TUBGCP2: variants seen among roughly 807,000 people sequenced by gnomAD.
TUBGCP2 encodes tubulin gamma complex component 2.
A neutral mutation model predicts 92.2 loss-of-function variants in TUBGCP2; 55 were observed. The observed-to-expected ratio is 0.60, with a 90% confidence interval of 0.48 to 0.75. The LOEUF (loss-of-function observed/expected upper bound fraction) is 0.75, where lower values mean the gene tolerates loss of function less well. Ranked by LOEUF, TUBGCP2 falls within the 30% of genes least tolerant of loss-of-function variation. TUBGCP2 has a pLI of 0.00. For missense variants in TUBGCP2, 1,093 were observed against 1,188.9 expected (o/e 0.92, Z 1.19); for synonymous variants, 533 against 505.2 (o/e 1.06, Z -0.74).
At chr10:133,302,739 G>A in intron 2 of TUBGCP2, 53 bp downstream of exon 2, 1 of 1,606,022 alleles carries the variant, frequency 6.2e-7, no homozygotes, top group Non-Finnish European at 8.5e-7. Context: ...GCACCACCCT[G>A]ACCCAGGAAC....
chr10:133,282,981 G>A, intron 15 of TUBGCP2, 97 bp downstream of exon 15: 1 of 1,508,422 alleles, frequency 6.6e-7, no homozygotes, highest in East Asian at 2.4e-5. Context: ...CGAACACAAG[G>A]GCAGGAAAAC....
upstream of TUBGCP2, chr10:133,310,153 C>G (rs200313469): frequency 6.2e-7 from 1 of 1,613,722 alleles, no homozygotes; most frequent in Non-Finnish European, 8.5e-7. Flanking sequence ...GTGACACGGT[C>G]TCCATTTCAG....
intron 8 of TUBGCP2, 44 bp from the exon 9 acceptor site, chr10:133,290,013 G>A (rs915512508): frequency 1.3e-5 from 20 of 1,598,040 alleles, no homozygotes; most frequent in East Asian, 6.8e-5. Flanking sequence ...AAGCAAGGGC[G>A]CCTGAGGCAG....
chr10:133,310,752 T>C (rs904994547), upstream of TUBGCP2, among the ~76,000 whole-genome samples: 1 of 152,216 alleles, frequency 6.6e-6, no homozygotes, highest in Non-Finnish European at 1.5e-5. Flanking sequence ...ACAAAGCTGT[T>C]GATTAACATG....
At position 133,302,806 on chromosome 10, in the gene TUBGCP2, CAG is replaced by C; in HGVS notation, c.134_135del (p.Ser45CysfsTer7). 3.7e-6 allele frequency: 6 copies of C among 1,612,638 alleles called. No homozygotes were observed. The highest frequency in any genetic ancestry group is 1.3e-5 in the African/African-American group (1 of 75,006). Reference protein sequence around the residue: ...NRTPYVTTTVSAHSAKVKIAE... With the variant: ...NRTPYVTTTVXAHSAKVKIAE... ...GCAGTGCTCACCTTGGCACTGTGAG[CAG>C]AGACAGTGGTAGTGACGTACGGGGT... On this transcript the variant is annotated frameshift_variant, in exon 2 of 18. Transcript: ENST00000252936. LOFTEE classifies it high-confidence loss of function.
At chr10:133,304,031 G>A (rs117177212) in intron 1 of TUBGCP2, among the ~76,000 whole-genome samples, 1,846 of 152,280 alleles carry the variant, frequency 0.012, 37 homozygotes, top group Admixed American at 0.036. Context: ...TCCGATACAA[G>A]GCCATTAAGA....
At chr10:133,294,781 A>G (rs1012979496) in intron 5 of TUBGCP2, among the ~76,000 whole-genome samples, 1 of 151,934 alleles carries the variant, frequency 6.6e-6, no homozygotes, top group Non-Finnish European at 1.5e-5. Context: ...ATTCCTGGCT[A>G]ATTTTTAAAT....
rs928945275 is a variant in TUBGCP2, at chr10:133,293,043, G to A, written c.1020C>T (p.Ser340=). ...PAMRTMDILA[S]LATSVDKGEC... The stretch of plus-strand genomic sequence containing the variant: ...GCCCCCCGGGCGGGCACGCACCGAG[G>A]GAGGCCAGGATGTCCATGGTGCGCA... Residue 340 remains serine, a synonymous_variant, in exon 7 of 18, where the codon TCC becomes TCT. Transcript: ENST00000252936. The A allele has an allele frequency of 6.2e-7, 1 of 1,612,852 alleles. No homozygotes were observed. Among genetic ancestry groups the A allele is most frequent in the African/African-American group, 1.3e-5 (1 of 75,044 alleles).
intron 8 of TUBGCP2, chr10:133,290,262 AGGTG>A: frequency 3.1e-6 from 1 of 327,674 alleles, no homozygotes; most frequent in Non-Finnish European, 5.9e-6. Context: ...TGGGAGGCTG[AGGTG>A]GGCAGATCAC....
At chr10:133,311,643 C>A (rs759358954), upstream of TUBGCP2, 15 of 1,294,400 alleles carry the variant, frequency 1.2e-5, no homozygotes, top group Non-Finnish European at 1.6e-5. Context: ...TTCTTTCTTG[C>A]ATGTTCATTT....
chr10:133,309,527 T>C, upstream of TUBGCP2: 1 of 1,538,854 alleles, frequency 6.5e-7, no homozygotes, highest in South Asian at 1.2e-5. Flanking sequence ...CGGTGCCTGG[T>C]CCCTGGGGCT....
At position 133,302,986 on chromosome 10, in the gene TUBGCP2, G is replaced by A. The variant is rs929938575; in HGVS notation, c.-39-6C>T. ...GAACATCACAATATGTTCTCCTATA[G>A]GTAAGAAGACAGCTATTCATAAAAT... On this transcript the variant is annotated splice_region_variant and splice_polypyrimidine_tract_variant and intron_variant, in intron 1 of 17. Coordinates refer to ENST00000252936, the MANE Select transcript of TUBGCP2 (RefSeq NM_006659.4). The A allele has an allele frequency of 6.2e-7, 1 of 1,609,256 alleles. No homozygotes were observed.
rs1015611322 is a variant in TUBGCP2, at chr10:133,281,356, TGAG to T, written c.2487_2489del (p.Phe829_Ser830delinsLeu). ...GGGCCAGGAGGTCCAGCAGGTGGGC[TGAG>T]AAGTTCTTGTCAAACTTGTTGATGG... On this transcript the variant is annotated inframe_deletion, in exon 17 of 18. Transcript: ENST00000252936. The T allele has an allele frequency of 1.9e-6, 3 of 1,613,788 alleles. No homozygotes were observed. In the African/African-American group the frequency reaches 4.0e-5, roughly 22 times the overall value.
At position 133,292,582 on chromosome 10, in the gene TUBGCP2, C is replaced by T. The variant is rs758978489; in HGVS notation, c.1131G>A (p.Leu377=). 1.9e-6 allele frequency: 3 copies of T among 1,614,182 alleles called. No homozygotes were observed. Among genetic ancestry groups the T allele is most frequent in the Admixed American group, 3.3e-5 (2 of 60,022 alleles). Residue 377 remains leucine (L), a synonymous_variant, in exon 8 of 18, where the codon CTG becomes CTA. Transcript: ENST00000252936. ...TGDSQAQELC[L]YLTKAASAPY... Reference sequence around the variant, plus strand: ...GAGCACTGGCCGCCTTGGTTAGGTACAGGCATAGCTCCTGCGCCTGGCTGT... The same window carrying T: ...GAGCACTGGCCGCCTTGGTTAGGTATAGGCATAGCTCCTGCGCCTGGCTGT...
chr10:133,312,155 T>TA (rs1451948966), upstream of TUBGCP2: 1 of 1,433,546 alleles, frequency 7.0e-7, no homozygotes, highest in Non-Finnish European at 9.1e-7. Flanking sequence ...GCGTCTGCCT[T>TA]AATAGCATCA....
At chr10:133,312,155 T>C (rs894893876), upstream of TUBGCP2, 2 of 1,433,664 alleles carry the variant, frequency 1.4e-6, no homozygotes, top group Non-Finnish European at 1.8e-6. Flanking sequence ...GCGTCTGCCT[T>C]AATAGCATCA....
At chr10:133,292,960 A>G (rs1461993497) in intron 7 of TUBGCP2, 79 bp downstream of exon 7, 2 of 1,502,438 alleles carry the variant, frequency 1.3e-6, no homozygotes, top group Admixed American at 3.7e-5. Context: ...CGGCCCCTGC[A>G]GAGTCTCTCC....
chr10:133,286,386 G>T (rs1847133444), intron 11 of TUBGCP2, among the ~76,000 whole-genome samples: 1 of 152,126 alleles, frequency 6.6e-6, no homozygotes, highest in Non-Finnish European at 1.5e-5. Context: ...CTCCTAACAA[G>T]AGACCCCAAA....
intron 1 of TUBGCP2, among the ~76,000 whole-genome samples, chr10:133,305,708 T>G (rs1847798611): frequency 6.6e-6 from 1 of 152,020 alleles, no homozygotes; most frequent in Non-Finnish European, 1.5e-5. Context: ...GAAGACAGTT[T>G]ATCTGTAGAT....
Sources: allele counts gnomAD v4.1 joint callset (sites outside exome capture counted in the v4.1 genomes callset), GRCh38; gene constraint gnomAD v4.1.1; transcripts MANE v1.5; gene names NCBI Gene and HGNC (gene_info 2026-07-23, HGNC 2026-07-21).